Variants in CDH18 observed in about 807,000 individuals in gnomAD.
CDH18 encodes cadherin 18, also known as cadherin-18.
In CDH18, 31 loss-of-function variants were observed where a neutral mutation model predicts 67.9. The ratio of observed to expected loss-of-function variants is 0.46; its 90% CI spans 0.34 to 0.62. The LOEUF is 0.62. Ranked by LOEUF, CDH18 falls within the 20% of genes least tolerant of loss-of-function variation. The pLI is 0.01. For synonymous variants in CDH18, 362 were observed against 347.2 expected (o/e 1.04, Z -0.48); for missense variants, 890 against 975.5 (o/e 0.91, Z 1.17).
intron 2 of CDH18, among the ~76,000 whole-genome samples, chr5:20,046,932 C>A (rs1415305208): frequency 6.6e-6 from 1 of 151,690 alleles, no homozygotes; most frequent in Non-Finnish European, 1.5e-5. Flanking sequence ...AGCAGCACAC[C>A]AACATGGCAC....
At chr5:20,150,715 A>T (rs1033357201) in intron 2 of CDH18, among the ~76,000 whole-genome samples, 18 of 152,054 alleles carry the variant, frequency 1.2e-4, no homozygotes, top group Non-Finnish European at 2.9e-5. Context: ...TATTGCAAAG[A>T]TCTACCATAG....
chr5:19,669,109 T>C (rs2150342515), intron 5 of CDH18, among the ~76,000 whole-genome samples: 1 of 146,996 alleles, frequency 6.8e-6, no homozygotes, highest in Non-Finnish European at 1.5e-5. Flanking sequence ...ATCTCACTTA[T>C]ATATATAATA....
At chr5:20,120,690 T>A (rs560012417) in intron 2 of CDH18, among the ~76,000 whole-genome samples, 2 of 152,268 alleles carry the variant, frequency 1.3e-5, no homozygotes, top group East Asian at 3.9e-4. Flanking sequence ...TATTTCACAT[T>A]AGAGATAATA....
At chr5:20,091,551 T>G (rs1245739728) in intron 2 of CDH18, among the ~76,000 whole-genome samples, 1 of 152,096 alleles carries the variant, frequency 6.6e-6, no homozygotes, top group Non-Finnish European at 1.5e-5. Context: ...AAAAGCACTT[T>G]AAGTAAGGAT....
At chr5:19,716,020 T>C (rs1158375964) in intron 5 of CDH18, among the ~76,000 whole-genome samples, 3 of 152,046 alleles carry the variant, frequency 2.0e-5, no homozygotes, top group Admixed American at 6.6e-5. Flanking sequence ...GATTTCACCA[T>C]GTTGGCCAGG....
intron 2 of CDH18, among the ~76,000 whole-genome samples, chr5:20,174,313 T>G (rs922231836): frequency 6.6e-6 from 1 of 152,300 alleles, no homozygotes; most frequent in East Asian, 1.9e-4. Context: ...ATGCACAAGC[T>G]CTACTCTACT....
intron 2 of CDH18, among the ~76,000 whole-genome samples, chr5:19,958,634 A>C (rs1474798517): frequency 6.6e-6 from 1 of 152,094 alleles, no homozygotes; most frequent in Admixed American, 6.6e-5. Context: ...CAGGTAAAAT[A>C]GTCTCTATAC....
chr5:20,545,834 AC>A (rs1463473247), intron 1 of CDH18, among the ~76,000 whole-genome samples: 2 of 152,166 alleles, frequency 1.3e-5, no homozygotes, highest in East Asian at 3.9e-4. Context: ...GAATAATTCC[AC>A]AGAAAATGGG....
chr5:20,446,110 A>C (rs1337165589), intron 1 of CDH18, among the ~76,000 whole-genome samples: 1 of 152,140 alleles, frequency 6.6e-6, no homozygotes, highest in Non-Finnish European at 1.5e-5. Flanking sequence ...TCGCAAGTAA[A>C]TTTTATTATA....
rs147435148 is a variant in CDH18 at position 19,726,480 on chromosome 5, T to A, written c.524-5014A>T. Among the ~76,000 whole-genome samples, 913 of 152,190 alleles carry A rather than the reference T, an allele frequency of 6.0e-3. 13 individuals are homozygous for A. Among genetic ancestry groups the A allele is most frequent in the Non-Finnish European group, 5.0e-3 (342 of 68,012 alleles). On this transcript the variant is annotated intron_variant, in intron 4 of 12. Transcript: ENST00000382275. ...CCACTTTGAGTACACAGATTGCTGG[T>A]TGAAGGGAGCACACACACACATGAA... is the stretch of plus-strand genomic sequence containing the variant.
chr5:20,363,137 G>C (rs1036949910), intron 1 of CDH18, among the ~76,000 whole-genome samples: 7 of 152,132 alleles, frequency 4.6e-5, no homozygotes, highest in African/African-American at 1.4e-4. Context: ...TGGTCTCAGT[G>C]CCACTATACA....
intron 3 of CDH18, among the ~76,000 whole-genome samples, chr5:19,801,811 G>T (rs558116470): frequency 1.3e-5 from 2 of 152,076 alleles, no homozygotes; most frequent in Non-Finnish European, 2.9e-5. Context: ...AGAGCTTTTG[G>T]TCTCCCACAG....
intron 5 of CDH18, among the ~76,000 whole-genome samples, chr5:19,630,786 A>C (rs1016821384): frequency 1.4e-4 from 21 of 152,142 alleles, no homozygotes; most frequent in East Asian, 5.8e-4. Context: ...GGAAATTTGC[A>C]AAGAGTTATT....
At chr5:19,864,581 T>C (rs1231793869) in intron 2 of CDH18, among the ~76,000 whole-genome samples, 1 of 152,076 alleles carries the variant, frequency 6.6e-6, no homozygotes, top group African/African-American at 2.4e-5. Flanking sequence ...CATAAGACTT[T>C]TCACAGAGCA....
rs551319169 is a variant in CDH18 at position 19,922,554 on chromosome 5, C to A, written c.-257+58506G>T. Among the ~76,000 whole-genome samples, 110 of 152,244 alleles carry A rather than the reference C, an allele frequency of 7.2e-4. 1 individual carries two copies. The highest frequency in any genetic ancestry group is 2.4e-3 in the African/African-American group (101 of 41,548). On this transcript the variant is annotated intron_variant, in intron 2 of 12. Coordinates refer to ENST00000382275, the MANE Select transcript of CDH18 (RefSeq NM_004934.5). ...TTTTTGACATGAAAATCAACCCAAACCTCCTTTCTCTATCTGCTGTTAACA... is the reference window on the plus strand; with the variant it reads ...TTTTTGACATGAAAATCAACCCAAAACTCCTTTCTCTATCTGCTGTTAACA...
At chr5:20,551,693 TC>T (rs1395959626) in intron 1 of CDH18, among the ~76,000 whole-genome samples, 1 of 152,156 alleles carries the variant, frequency 6.6e-6, no homozygotes, top group Non-Finnish European at 1.5e-5. Context: ...AGAATCCTAC[TC>T]CTTGTACACA....
intron 5 of CDH18, among the ~76,000 whole-genome samples, chr5:19,682,398 G>T (rs56170519): frequency 2.0e-3 from 304 of 152,112 alleles, no homozygotes; most frequent in African/African-American, 6.9e-3. Context: ...CCCCTGTAAG[G>T]TAGCACTGGT....
chr5:20,461,595 C>T (rs1179201236), intron 1 of CDH18, among the ~76,000 whole-genome samples: 2 of 151,998 alleles, frequency 1.3e-5, no homozygotes, highest in African/African-American at 4.8e-5. Context: ...TGTTCTTATG[C>T]TTATCAAACC....
At chr5:19,662,831 C>G (rs1050217403) in intron 5 of CDH18, among the ~76,000 whole-genome samples, 11 of 151,936 alleles carry the variant, frequency 7.2e-5, no homozygotes, top group Non-Finnish European at 1.3e-4. Context: ...ATTTCCATAA[C>G]AAATAAAATA....
Sources: gnomAD v4.1 joint callset for allele counts (sites outside exome capture counted in the v4.1 genomes callset) on GRCh38, gnomAD v4.1.1 for gene constraint, MANE v1.5 for transcripts, NCBI Gene and HGNC (gene_info 2026-07-23, HGNC 2026-07-21) for gene names.